TMEM248: variants seen among roughly 807,000 people sequenced by gnomAD.
TMEM248 encodes UPF0458 protein C7orf42.
In TMEM248, 9 loss-of-function variants were observed where a neutral mutation model predicts 30.3. That is an observed-to-expected ratio of 0.30 (90% CI 0.18 to 0.52). TMEM248 has a LOEUF of 0.52. Ranked by LOEUF, TMEM248 falls within the 20% of genes least tolerant of loss-of-function variation. The probability of loss-of-function intolerance (pLI) is 0.97; values close to 1 mark genes in which losing one functional copy is unlikely to be tolerated. For synonymous variants in TMEM248, 184 were observed against 154.4 expected (o/e 1.19, Z -1.42); for missense variants, 338 against 403.3 (o/e 0.84, Z 1.39).
intron 1 of TMEM248, among the ~76,000 whole-genome samples, chr7:66,934,136 G>C (rs761670971): frequency 1.3e-5 from 2 of 151,432 alleles, no homozygotes; most frequent in Non-Finnish European, 2.9e-5. Context: ...GGAATTTTAA[G>C]TTTGTAAAAT....
intron 1 of TMEM248, among the ~76,000 whole-genome samples, chr7:66,938,577 C>T (rs908567130): frequency 5.3e-5 from 8 of 152,060 alleles, no homozygotes; most frequent in African/African-American, 1.9e-4. Context: ...GGTGTGATCT[C>T]GACTTGCTGC....
At chr7:66,955,439 G>A (rs1266186450) in intron 6 of TMEM248, 63 bp from the exon 7 acceptor site, 6 of 1,604,870 alleles carry the variant, frequency 3.7e-6, no homozygotes, top group African/African-American at 2.7e-5. Flanking sequence ...TGGTCTTTGG[G>A]TAGGGGCTGA....
chr7:66,923,742 G>A (rs1177790135), intron 1 of TMEM248, among the ~76,000 whole-genome samples: 4 of 152,142 alleles, frequency 2.6e-5, no homozygotes, highest in African/African-American at 9.7e-5. Context: ...GTGCAGTGAC[G>A]CAGTCGGCAA....
chr7:66,944,043 G>T (rs1447352166), intron 2 of TMEM248, among the ~76,000 whole-genome samples: 2 of 149,184 alleles, frequency 1.3e-5, no homozygotes, highest in African/African-American at 4.9e-5. Context: ...GATCCACCCT[G>T]CTTGGCCTCC....
chr7:66,956,674 C>CTT lies in TMEM248; in HGVS notation c.*1158_*1159dup, dbSNP rs558302019. 1 of 151,922 alleles carries CTT rather than the reference C, an allele frequency of 6.6e-6. No individual in the cohort carries two copies. Among genetic ancestry groups the CTT allele is most frequent in the Non-Finnish European group, 1.5e-5 (1 of 68,012 alleles). The allele number at this position is 151,922 out of a possible 1,614,324, so 9.4% of individuals were successfully genotyped here. A position where few individuals can be genotyped will look rare whatever the true frequency, so the allele number is the denominator to read the frequency against. On this transcript the variant is annotated 3_prime_UTR_variant, in exon 7 of 7. Coordinates refer to ENST00000341567, the MANE Select transcript of TMEM248 (RefSeq NM_017994.5). ...AAAACTGAAAGCATTTTTCTTATAA[C>CTT]TTTTTTTCTTTTTCTTTTTTTTTGG...
At chr7:66,954,871 G>A (rs1792364105) in intron 6 of TMEM248, among the ~76,000 whole-genome samples, 1 of 152,196 alleles carries the variant, frequency 6.6e-6, no homozygotes, top group South Asian at 2.1e-4. Context: ...TGACTTGGCA[G>A]TTGTTCTCAA....
chr7:66,941,345 C>G (rs1442415651), intron 1 of TMEM248, among the ~76,000 whole-genome samples: 1 of 148,850 alleles, frequency 6.7e-6, no homozygotes, highest in Non-Finnish European at 1.5e-5. Flanking sequence ...TACACCATTG[C>G]TCCAGCCTGG....
At chr7:66,930,218 G>T (rs1791630406) in intron 1 of TMEM248, among the ~76,000 whole-genome samples, 1 of 152,208 alleles carries the variant, frequency 6.6e-6, no homozygotes, top group Non-Finnish European at 1.5e-5. Context: ...TAGGGAAGGA[G>T]CCAGTTTGGT....
At chr7:66,945,403 T>G in intron 3 of TMEM248, 142 bp downstream of exon 3, 1 of 897,834 alleles carries the variant, frequency 1.1e-6, no homozygotes, top group South Asian at 1.7e-5. Context: ...TTGAACTACA[T>G]GAACCATTTC....
intron 1 of TMEM248, among the ~76,000 whole-genome samples, chr7:66,932,196 G>A (rs779722127): frequency 1.4e-4 from 21 of 152,116 alleles, no homozygotes; most frequent in East Asian, 5.8e-4. Flanking sequence ...GGTGAAAACC[G>A]CGATTCCTTT....
intron 2 of TMEM248, among the ~76,000 whole-genome samples, chr7:66,943,015 G>C (rs1792004481): frequency 6.6e-6 from 1 of 150,468 alleles, no homozygotes; most frequent in South Asian, 2.1e-4. Context: ...AAGTGATCTT[G>C]GCAAAAGGAA....
chr7:66,948,816 T>G, intron 4 of TMEM248, 122 bp downstream of exon 4: 1 of 1,076,986 alleles, frequency 9.3e-7, no homozygotes, highest in Non-Finnish European at 1.3e-6. Context: ...TAGAATTATC[T>G]CTACTCGGAC....
chr7:66,933,290 C>T (rs555651893), intron 1 of TMEM248, among the ~76,000 whole-genome samples: 2 of 152,336 alleles, frequency 1.3e-5, no homozygotes, highest in East Asian at 3.9e-4. Flanking sequence ...CTGCCTCAGC[C>T]CCCCACGTAG....
intron 2 of TMEM248, among the ~76,000 whole-genome samples, 185 bp downstream of exon 2, chr7:66,942,209 G>T (rs1042639720): frequency 2.6e-5 from 4 of 152,106 alleles, no homozygotes; most frequent in African/African-American, 9.7e-5. Context: ...TACCTAGATG[G>T]GTATTGTTCG....
chr7:66,937,101 TG>T (rs1403692714), intron 1 of TMEM248, among the ~76,000 whole-genome samples: 1 of 152,184 alleles, frequency 6.6e-6, no homozygotes, highest in African/African-American at 2.4e-5. Flanking sequence ...CCATAGGTTT[TG>T]GTATGTTGTG....
chr7:66,949,924 T>A (rs1455872311), intron 4 of TMEM248, among the ~76,000 whole-genome samples: 1 of 152,228 alleles, frequency 6.6e-6, no homozygotes, highest in Non-Finnish European at 1.5e-5. Context: ...TGGTGAATCC[T>A]TTTTAAATAA....
At chr7:66,935,697 C>T (rs1584402338) in intron 1 of TMEM248, among the ~76,000 whole-genome samples, 1 of 152,202 alleles carries the variant, frequency 6.6e-6, no homozygotes, top group Admixed American at 6.5e-5. Flanking sequence ...TGCACACCAT[C>T]GTGCCCAGCT....
chr7:66,927,728 A>G (rs1265777464), intron 1 of TMEM248, among the ~76,000 whole-genome samples: 2 of 150,178 alleles, frequency 1.3e-5, no homozygotes, highest in South Asian at 2.1e-4. Flanking sequence ...AAGTGTTGGG[A>G]TTACAGGCAT....
intron 1 of TMEM248, among the ~76,000 whole-genome samples, chr7:66,924,148 T>C (rs540199830): frequency 1.3e-5 from 2 of 152,366 alleles, no homozygotes; most frequent in Admixed American, 1.3e-4. Flanking sequence ...TCAGTGCCTG[T>C]GTTCAGTTTG....
Sources: allele counts gnomAD v4.1 joint callset (sites outside exome capture counted in the v4.1 genomes callset), GRCh38; gene constraint gnomAD v4.1.1; transcripts MANE v1.5; gene names NCBI Gene and HGNC (gene_info 2026-07-23, HGNC 2026-07-21).